Variants in ZNF273 observed in about 807,000 individuals in gnomAD.
ZNF273 encodes zinc finger protein 9.
Under a neutral mutation model 14.9 loss-of-function variants are expected in ZNF273, and 11 were observed. The ratio of observed to expected loss-of-function variants is 0.74; its 90% CI spans 0.46 to 1.22. The LOEUF is 1.22. Among genes scored for constraint, ZNF273 ranks in the 50% most tolerant of loss-of-function variants. The pLI is 0.00. For synonymous variants in ZNF273, 199 were observed against 223.9 expected, an observed-to-expected ratio of 0.89 and a Z score of 0.99; for missense variants, 577 against 660.6, an observed-to-expected ratio of 0.87 and a Z score of 1.39.
downstream of ZNF273, among the ~76,000 whole-genome samples, chr7:64,934,205 A>T (rs1562970541): frequency 1.3e-5 from 2 of 151,218 alleles, no homozygotes; most frequent in South Asian, 2.1e-4. Flanking sequence ...AGTTTCTTAC[A>T]TTTTTTTTTA....
At chr7:64,895,468 T>A (rs865848970) in intron 3 of ZNF273, among the ~76,000 whole-genome samples, 321 of 152,346 alleles carry the variant, frequency 2.1e-3, no homozygotes, top group African/African-American at 7.2e-3. Flanking sequence ...CAGATTCCGA[T>A]TCACTAACAG....
In ZNF273 at chr7:64,904,086, A is replaced by AT. The variant is rs1055436244; in HGVS notation, c.102+676dup. 1.1e-4 allele frequency among the ~76,000 whole-genome samples: 16 copies of AT among 151,592 alleles called. 1 individual carries two copies. Among genetic ancestry groups the AT allele is most frequent in the Middle Eastern group, 3.4e-3 (1 of 294 alleles). ...GTAATTTACAAAAAGTTTGAGTTAGATTTTTTTTTCTTTCTTTCTGAGACA... is the reference window on the plus strand; with the variant it reads ...GTAATTTACAAAAAGTTTGAGTTAGATTTTTTTTTTCTTTCTTTCTGAGACA... On this transcript the variant is annotated intron_variant, in intron 1 of 3. Transcript: ENST00000476120.
chr7:64,934,075 A>C (rs1223849820), downstream of ZNF273, among the ~76,000 whole-genome samples: 1 of 152,156 alleles, frequency 6.6e-6, no homozygotes, highest in Non-Finnish European at 1.5e-5. Context: ...TTGTATTTTT[A>C]GTAGAGATGG....
At position 64,927,355 on chromosome 7, in the gene ZNF273, T is replaced by A. The variant is rs1481157459; in HGVS notation, c.326-299T>A. Among the ~76,000 whole-genome samples, 3 of 151,050 alleles carry A rather than the reference T, an allele frequency of 2.0e-5. No individual in the cohort carries two copies. In the Admixed American group the frequency reaches 2.0e-4, roughly 10 times the overall value. ...TGCCTGCCTCGGCCTCCCAAAATGC[T>A]GGGATTACAGGCATGAGCCACTGCA... On this transcript the variant is annotated intron_variant, in intron 3 of 3. Coordinates refer to ENST00000476120, the MANE Select transcript of ZNF273 (RefSeq NM_021148.3).
downstream of ZNF273, among the ~76,000 whole-genome samples, chr7:64,892,718 G>A (rs986448011): frequency 1.3e-5 from 2 of 152,158 alleles, no homozygotes; most frequent in South Asian, 2.1e-4. Context: ...CCTGATGAGG[G>A]GGGCGGTGTT....
downstream of ZNF273, chr7:64,889,298 C>A: frequency 1.1e-6 from 1 of 949,924 alleles, no homozygotes; most frequent in Non-Finnish European, 1.2e-6. This position sits in a 1 kb window ranked among gnomAD's most constrained non-coding sequence, Gnocchi z 4.2. Context: ...TCCAGGCTCT[C>A]GCCCGCCGGT....
chr7:64,910,620 T>C (rs1391313491), intron 1 of ZNF273, among the ~76,000 whole-genome samples: 1 of 151,540 alleles, frequency 6.6e-6, no homozygotes, highest in Non-Finnish European at 1.5e-5. Context: ...GGTAATGTAA[T>C]GACTCCAGCT....
intron 3 of ZNF273, among the ~76,000 whole-genome samples, chr7:64,918,864 T>C (rs1011672336): frequency 6.6e-6 from 1 of 152,098 alleles, no homozygotes; most frequent in Non-Finnish European, 1.5e-5. Flanking sequence ...GTCCTATTCC[T>C]GGCATATAGG....
chr7:64,926,511 C>T lies in ZNF273; in HGVS notation c.326-1143C>T, dbSNP rs77478348. 7.9e-3 allele frequency among the ~76,000 whole-genome samples: 1,200 copies of T among 151,804 alleles called. 7 individuals carry two copies. The highest frequency in any genetic ancestry group is 0.014 in the Middle Eastern group (4 of 294). On this transcript the variant is annotated intron_variant, in intron 3 of 3. Transcript: ENST00000476120. ...CTGATTTTCAGTAGTTGTCTGTGTT[C>T]CTATTTAATTCATTGAGTATTATTC...
At chr7:64,904,510 A>C (rs1319274854) in intron 1 of ZNF273, among the ~76,000 whole-genome samples, 1 of 152,048 alleles carries the variant, frequency 6.6e-6, no homozygotes, top group Admixed American at 6.6e-5. Flanking sequence ...TGAAATTTTC[A>C]CATGTGGCCC....
chr7:64,911,352 C>T (rs1388001981), intron 1 of ZNF273, among the ~76,000 whole-genome samples: 1 of 151,694 alleles, frequency 6.6e-6, no homozygotes, highest in Non-Finnish European at 1.5e-5. Context: ...CAGCCTCTGC[C>T]TCCTGGGTTC....
At chr7:64,916,369 G>GAAAA (rs762863213) in intron 1 of ZNF273, among the ~76,000 whole-genome samples, 1 of 135,136 alleles carries the variant, frequency 7.4e-6, no homozygotes, top group Non-Finnish European at 1.6e-5. Context: ...TACTAAAAAT[G>GAAAA]TAAAAAAAAA....
upstream of ZNF273, among the ~76,000 whole-genome samples, chr7:64,899,716 TA>T (rs1792569045): frequency 6.6e-6 from 1 of 151,638 alleles, no homozygotes; most frequent in South Asian, 2.1e-4. Flanking sequence ...TAGTACAGTA[TA>T]GCAGAATTCT....
chr7:64,882,160 G>A (rs992704742), downstream of ZNF273, among the ~76,000 whole-genome samples: 2 of 152,176 alleles, frequency 1.3e-5, no homozygotes, highest in Admixed American at 6.5e-5. Flanking sequence ...GGGGTCGCAG[G>A]TATGAATCCA....
chr7:64,883,445 G>T (rs141407339), downstream of ZNF273, among the ~76,000 whole-genome samples: 553 of 152,268 alleles, frequency 3.6e-3, 2 homozygotes, highest in African/African-American at 0.012. Context: ...TCCGGTAATG[G>T]ATAGTGTGAG....
downstream of ZNF273, among the ~76,000 whole-genome samples, chr7:64,890,418 C>T (rs982116588): frequency 5.9e-5 from 9 of 152,018 alleles, no homozygotes; most frequent in South Asian, 4.1e-4. Flanking sequence ...TTGCCTTTTC[C>T]TGCTGTTCCA....
downstream of ZNF273, among the ~76,000 whole-genome samples, chr7:64,884,517 G>A (rs577715925): frequency 3.7e-4 from 57 of 152,188 alleles, no homozygotes; most frequent in South Asian, 3.5e-3. Context: ...CCTCTTCTCC[G>A]TCTTGGACTT....
chr7:64,907,515 A>G (rs964319766), intron 1 of ZNF273, among the ~76,000 whole-genome samples: 5 of 152,128 alleles, frequency 3.3e-5, no homozygotes, highest in Admixed American at 2.0e-4. Flanking sequence ...GGGAGTCCCA[A>G]ATTTTTAAAC....
At chr7:64,935,519 ATTATTTATTTAT>A (rs913445126), downstream of ZNF273, among the ~76,000 whole-genome samples, 1 of 151,776 alleles carries the variant, frequency 6.6e-6, no homozygotes, top group African/African-American at 2.4e-5. Flanking sequence ...TTCTCCACCT[ATTATTTATTTAT>A]TTATTTATTG....
Sources: gnomAD v4.1 joint callset for allele counts (sites outside exome capture counted in the v4.1 genomes callset) on GRCh38, gnomAD v4.1.1 for gene constraint, Gnocchi (gnomAD v3.1) non-coding constraint, MANE v1.5 for transcripts, NCBI Gene and HGNC (gene_info 2026-07-23, HGNC 2026-07-21) for gene names.